Variants in RPS6KA1 observed in about 807,000 individuals in gnomAD.
The protein encoded by RPS6KA1 is ribosomal protein S6 kinase A1.
In RPS6KA1, 48 loss-of-function variants were observed where a neutral mutation model predicts 91.3. The observed-to-expected ratio is 0.53, with a 90% CI of 0.42 to 0.67. The LOEUF is 0.67. Among genes scored for constraint, RPS6KA1 ranks in the 30% least tolerant of loss-of-function variants. The pLI is 0.00. For missense variants in RPS6KA1, 719 were observed against 960.5 expected (o/e 0.75, Z 3.32); for synonymous variants, 359 against 384.7 (o/e 0.93, Z 0.78).
chr1:26,545,906 G>A (rs764261654), intron 2 of RPS6KA1: 2 of 1,575,266 alleles, frequency 1.3e-6, no homozygotes, highest in South Asian at 2.3e-5. Context: ...GGCGGATGGA[G>A]CAGGATCCCA....
intron 17 of RPS6KA1, among the ~76,000 whole-genome samples, chr1:26,567,897 G>T (rs2076217488): frequency 6.6e-6 from 1 of 152,082 alleles, no homozygotes; most frequent in Admixed American, 6.6e-5. Flanking sequence ...TAAATGTCGT[G>T]CCCAAAACCA....
chr1:26,561,933 T>TAC lies in RPS6KA1; in HGVS notation c.1590+271_1590+272insCA, dbSNP rs2076157483. 6.6e-6 allele frequency among the ~76,000 whole-genome samples: 1 copy of TAC among 152,148 alleles called. No homozygotes were observed. The highest frequency in any genetic ancestry group is 2.1e-4 in the South Asian group (1 of 4,828). ...GATGAAGTTTCCAGACCAGGCATGG[T>TAC]AGCTCACGCCTGTAATCCCAGCAAC... On this transcript the variant is annotated intron_variant, in intron 17 of 21. Coordinates refer to ENST00000374168, the MANE Select transcript of RPS6KA1 (RefSeq NM_002953.4). The surrounding 1 kb of genome is among the most constrained non-coding windows in gnomAD (Gnocchi z 5.7).
chr1:26,569,039 A>G (rs1375560189), intron 17 of RPS6KA1, among the ~76,000 whole-genome samples: 1 of 151,870 alleles, frequency 6.6e-6, no homozygotes, highest in Non-Finnish European at 1.5e-5. Flanking sequence ...TATAATACAA[A>G]AATTAGCCAG....
Position 26,555,832 on chromosome 1 carries a change from A to G in RPS6KA1, c.916+207A>G, listed in dbSNP as rs2076096869. 6.6e-6 allele frequency among the ~76,000 whole-genome samples: 1 copy of G among 152,050 alleles called. No individual in the cohort carries two copies. Among genetic ancestry groups the G allele is most frequent in the Admixed American group, 6.6e-5 (1 of 15,258 alleles). ...GTGTGTAGGGGGAAGGCAGGAACTGAGTCATCCCTACTCCCTCTGGGGACA... is the reference window on the plus strand; with the variant it reads ...GTGTGTAGGGGGAAGGCAGGAACTGGGTCATCCCTACTCCCTCTGGGGACA... On this transcript the variant is annotated intron_variant, in intron 11 of 21. Coordinates refer to ENST00000374168, the MANE Select transcript of RPS6KA1 (RefSeq NM_002953.4). The surrounding 1 kb of genome is among the most constrained non-coding windows in gnomAD (Gnocchi z 4.3).
chr1:26,531,874 A>G (rs1227671676), intron 1 of RPS6KA1, among the ~76,000 whole-genome samples: 1 of 152,054 alleles, frequency 6.6e-6, no homozygotes, highest in Non-Finnish European at 1.5e-5. Context: ...ACTGGGTGTT[A>G]TTGTTTGGGT....
At chr1:26,572,370 T>C (rs949046373) in intron 20 of RPS6KA1, 77 bp downstream of exon 20, 1 of 915,018 alleles carries the variant, frequency 1.1e-6, no homozygotes, top group East Asian at 2.4e-5. Context: ...CAGCAGTTCA[T>C]GAACAGCCTC....
rs772732155 is a variant in RPS6KA1 at position 26,561,029 on chromosome 1, C to T, written c.1342-16C>T. On this transcript the variant is annotated splice_polypyrimidine_tract_variant and intron_variant, in intron 15 of 21. Coordinates refer to ENST00000374168, the MANE Select transcript of RPS6KA1 (RefSeq NM_002953.4). The surrounding 1 kb of genome is among the most constrained non-coding windows in gnomAD (Gnocchi z 5.7). ...CCTGTCACCCTGACACTGCCACATG[C>T]ACCCCCTTTCTTCAGGTCATTGATA... 35 of 1,611,698 alleles carry T rather than the reference C, an allele frequency of 2.2e-5. No individual in the cohort carries two copies. The Admixed American group carries it at 4.3e-4, about 20-fold the overall frequency.
At chr1:26,572,962 T>A (rs1327613362) in intron 20 of RPS6KA1, among the ~76,000 whole-genome samples, 1 of 152,228 alleles carries the variant, frequency 6.6e-6, no homozygotes, top group Non-Finnish European at 1.5e-5. Context: ...CCTGAGGCTT[T>A]TCCCACCTTC....
chr1:26,550,964 C>T (rs545706543), intron 4 of RPS6KA1, among the ~76,000 whole-genome samples: 9 of 152,274 alleles, frequency 5.9e-5, no homozygotes, highest in African/African-American at 1.4e-4. Context: ...TTACCAGCCC[C>T]GAGACCAGAA....
chr1:26,564,139 TAAA>T (rs900103324), intron 17 of RPS6KA1, among the ~76,000 whole-genome samples: 8 of 151,578 alleles, frequency 5.3e-5, no homozygotes, highest in Admixed American at 2.0e-4. Flanking sequence ...AAAATAAAAA[TAAA>T]AAAAAGAAGG....
At chr1:26,534,681 T>C (rs931534987) in intron 1 of RPS6KA1, among the ~76,000 whole-genome samples, 2 of 152,150 alleles carry the variant, frequency 1.3e-5, no homozygotes, top group African/African-American at 4.8e-5. Context: ...GCCGCCACCA[T>C]TGAGGTATGT....
At position 26,561,601 on chromosome 1, in the gene RPS6KA1, C is replaced by G; in HGVS notation, c.1528C>G (p.Arg510Gly). The stretch of plus-strand genomic sequence containing the variant: ...CCTGCGGCAGAAGTTCTTCTCAGAG[C>G]GGGAGGCCAGCTTTGTCCTGCACAC... ...KILRQKFFSE[R>G]EASFVLHTIG... The change falls in exon 17 of 22, where the codon CGG becomes GGG. Residue 510 changes from arginine to glycine, a missense_variant. Physicochemically the swap from Arg to Gly is moderately radical, Grantham distance 125. Transcript: ENST00000374168. The surrounding 1 kb of genome is among the most constrained non-coding windows in gnomAD (Gnocchi z 5.7). The G allele has an allele frequency of 6.2e-7, 1 of 1,613,916 alleles. No individual in the cohort carries two copies. The highest frequency in any genetic ancestry group is 1.1e-5 in the South Asian group (1 of 91,054).
Position 26,558,859 on chromosome 1 carries a change from C to T in RPS6KA1, c.1137C>T (p.Phe379=). Reference sequence around the variant, plus strand: ...GGGCCCATCAGCTGTTCCGGGGCTTCAGCTTCGTGGCCACCGGCCTGATGG... The same window carrying T: ...GGGCCCATCAGCTGTTCCGGGGCTTTAGCTTCGTGGCCACCGGCCTGATGG... ...SAGAHQLFRG[F]SFVATGLMED... Residue 379 remains phenylalanine (F), a synonymous_variant, in exon 14 of 22, where the codon TTC becomes TTT. Transcript: ENST00000374168. This position sits in a 1 kb window ranked among gnomAD's most constrained non-coding sequence, Gnocchi z 4.0. 1.2e-6 allele frequency: 2 copies of T among 1,613,882 alleles called. No individual in the cohort carries two copies. Among genetic ancestry groups the T allele is most frequent in the South Asian group, 1.1e-5 (1 of 91,074 alleles).
chr1:26,536,975 G>T lies in RPS6KA1; in HGVS notation c.108+6G>T, dbSNP rs757022058. ...CTGGACTTCAGCCGTCCAAGGTGAG[G>T]ACCATGGCCAGCACCCTGAGCGAGG... On this transcript the variant is annotated splice_donor_region_variant and intron_variant, in intron 2 of 21. Coordinates refer to ENST00000374168, the MANE Select transcript of RPS6KA1 (RefSeq NM_002953.4). 1 of 1,614,114 alleles carries T rather than the reference G, an allele frequency of 6.2e-7. No individual in the cohort carries two copies. Among genetic ancestry groups the T allele is most frequent in the South Asian group, 1.1e-5 (1 of 91,070 alleles).
intron 4 of RPS6KA1, among the ~76,000 whole-genome samples, chr1:26,550,981 A>G (rs950124104): frequency 6.6e-6 from 1 of 152,134 alleles, no homozygotes. Flanking sequence ...AGAATTTGGG[A>G]ATTTTTATGC....
intron 15 of RPS6KA1, 48 bp from the exon 16 acceptor site, chr1:26,560,997 C>G (rs780701800): frequency 6.2e-7 from 1 of 1,603,124 alleles, no homozygotes; most frequent in Non-Finnish European, 8.5e-7. Context: ...CAGAAAGGAC[C>G]CTGGACCCTG....
At chr1:26,550,367 A>G (rs58905699) in intron 4 of RPS6KA1, among the ~76,000 whole-genome samples, 3,191 of 151,796 alleles carry the variant, frequency 0.021, 109 homozygotes, top group African/African-American at 0.073. Flanking sequence ...ATTTTTTACT[A>G]GAGACAGGGT....
In RPS6KA1 at chr1:26,555,738, G is replaced by A; in HGVS notation, c.916+113G>A. ...AAAGGGGCCGTTGTCCTTTGTGTGG[G>A]CAGACAATGCCGCGGGCCACCCTGC... On this transcript the variant is annotated intron_variant, in intron 11 of 21. Coordinates refer to ENST00000374168, the MANE Select transcript of RPS6KA1 (RefSeq NM_002953.4). The surrounding 1 kb of genome is among the most constrained non-coding windows in gnomAD (Gnocchi z 4.3). 2.9e-6 allele frequency: 3 copies of A among 1,038,666 alleles called. No homozygotes were observed. Among genetic ancestry groups the A allele is most frequent in the Admixed American group, 2.0e-5 (1 of 48,820 alleles). The allele number at this position is 1,038,666 out of a possible 1,614,324, so 64.3% of individuals were successfully genotyped here.
intron 12 of RPS6KA1, 75 bp downstream of exon 12, chr1:26,556,793 G>A (rs1476443215): frequency 6.4e-7 from 1 of 1,556,288 alleles, no homozygotes; most frequent in Non-Finnish European, 8.9e-7. Flanking sequence ...GGTGGGAGGG[G>A]AGCCTCTGCC....
Sources: allele counts gnomAD v4.1 joint callset (sites outside exome capture counted in the v4.1 genomes callset), GRCh38; gene constraint gnomAD v4.1.1; non-coding constraint Gnocchi (gnomAD v3.1); transcripts MANE v1.5; gene names NCBI Gene and HGNC (gene_info 2026-07-23, HGNC 2026-07-21).